The following OR9Q1 variants were observed in gnomAD, a reference collection of about 807,000 sequenced individuals.
OR9Q1 encodes olfactory receptor family 9 subfamily Q member 1.
For missense variants in OR9Q1, 374 were observed against 378.8 expected, an observed-to-expected ratio of 0.99 and a Z score of 0.11; for synonymous variants, 153 against 148.6, an observed-to-expected ratio of 1.03 and a Z score of -0.22.
intron 2 of OR9Q1, among the ~76,000 whole-genome samples, chr11:58,149,691 C>T (rs1312053553): frequency 3.9e-5 from 6 of 152,132 alleles, no homozygotes; most frequent in African/African-American, 2.4e-5. Context: ...CTAAGTACTT[C>T]ATAAAAGTGG....
At chr11:58,132,968 C>T (rs564942926) in intron 2 of OR9Q1, among the ~76,000 whole-genome samples, 95 of 152,208 alleles carry the variant, frequency 6.2e-4, no homozygotes, top group Non-Finnish European at 8.4e-4. Context: ...ATCCAGCTCC[C>T]CTGGATGCCA....
intron 2 of OR9Q1, chr11:58,118,478 C>T (rs1328888594): frequency 6.7e-7 from 1 of 1,494,464 alleles, no homozygotes; most frequent in East Asian, 2.3e-5. Context: ...TGGACTAAAA[C>T]AAGAATTCCT....
At chr11:58,096,777 C>A (rs553973783) in intron 2 of OR9Q1, among the ~76,000 whole-genome samples, 4 of 150,374 alleles carry the variant, frequency 2.7e-5, no homozygotes, top group Non-Finnish European at 5.9e-5. Context: ...AATCTCGGCT[C>A]ACTACAACCT....
chr11:58,123,652 G>A (rs1261522803), intron 2 of OR9Q1, among the ~76,000 whole-genome samples: 1 of 152,140 alleles, frequency 6.6e-6, no homozygotes, highest in African/African-American at 2.4e-5. Flanking sequence ...TATACACCTA[G>A]GAAGGAACAG....
At chr11:58,082,699 A>C (rs1345054097) in intron 2 of OR9Q1, among the ~76,000 whole-genome samples, 2 of 145,214 alleles carry the variant, frequency 1.4e-5, no homozygotes, top group East Asian at 2.2e-4. Flanking sequence ...ATGCATATGT[A>C]ACTAACCTGC....
intron 2 of OR9Q1, among the ~76,000 whole-genome samples, chr11:58,172,354 T>C (rs1460932003): frequency 1.3e-5 from 2 of 152,178 alleles, no homozygotes; most frequent in African/African-American, 4.8e-5. Flanking sequence ...ACGGTTGTTA[T>C]AAACTCTACG....
chr11:58,163,199 C>T (rs1590622814), intron 2 of OR9Q1, among the ~76,000 whole-genome samples: 2 of 152,152 alleles, frequency 1.3e-5, no homozygotes, highest in Admixed American at 1.3e-4. Context: ...ATCATCTCCC[C>T]TGAATTTTAT....
chr11:58,163,951 G>A (rs1242912725), intron 2 of OR9Q1, among the ~76,000 whole-genome samples: 1 of 152,192 alleles, frequency 6.6e-6, no homozygotes, highest in South Asian at 2.1e-4. Flanking sequence ...GGAGATTGAA[G>A]AGAAACCTTC....
At chr11:58,028,711 AGT>A (rs1204972329) in intron 1 of OR9Q1, among the ~76,000 whole-genome samples, 1 of 152,142 alleles carries the variant, frequency 6.6e-6, no homozygotes. Flanking sequence ...AGAAGCATGA[AGT>A]GTCTGGGGCT....
chr11:58,090,162 G>A (rs985265289), intron 2 of OR9Q1, among the ~76,000 whole-genome samples: 4 of 152,068 alleles, frequency 2.6e-5, no homozygotes, highest in African/African-American at 9.7e-5. Context: ...TGATTGCGCT[G>A]GTCAGAACTT....
chr11:58,103,695 A>G (rs144163794), intron 2 of OR9Q1, among the ~76,000 whole-genome samples: 87 of 152,260 alleles, frequency 5.7e-4, no homozygotes, highest in Non-Finnish European at 9.8e-4. Flanking sequence ...CTACATTATC[A>G]GTGCATCTGG....
At chr11:58,141,391 C>T (rs1220928625) in intron 2 of OR9Q1, among the ~76,000 whole-genome samples, 1 of 152,030 alleles carries the variant, frequency 6.6e-6, no homozygotes, top group Non-Finnish European at 1.5e-5. Flanking sequence ...GACATATGTC[C>T]CATCAATACC....
At chr11:58,118,827 C>T (rs1304569138) in intron 2 of OR9Q1, 6 of 1,614,034 alleles carry the variant, frequency 3.7e-6, no homozygotes, top group Admixed American at 1.7e-5. Flanking sequence ...TGGCCAAAAT[C>T]ACAAAATTGC....
At chr11:58,116,780 A>G (rs1853959229) in intron 2 of OR9Q1, 1 of 152,206 alleles carries the variant, frequency 6.6e-6, no homozygotes, top group African/African-American at 2.4e-5. Flanking sequence ...ACTACAAGAT[A>G]TTTGGTGAAT....
At chr11:58,063,714 G>A (rs560852699) in intron 2 of OR9Q1, among the ~76,000 whole-genome samples, 20 of 152,104 alleles carry the variant, frequency 1.3e-4, no homozygotes, top group Non-Finnish European at 2.8e-4. Flanking sequence ...TTTTGGGGGG[G>A]TGAGTTTTAA....
At chr11:58,095,368 T>A (rs1048807311) in intron 2 of OR9Q1, among the ~76,000 whole-genome samples, 1 of 152,244 alleles carries the variant, frequency 6.6e-6, no homozygotes, top group Non-Finnish European at 1.5e-5. Context: ...TAGCCCTCCC[T>A]AGATCCTTGT....
intron 2 of OR9Q1, among the ~76,000 whole-genome samples, chr11:58,073,784 T>C (rs1318826963): frequency 6.6e-6 from 1 of 152,216 alleles, no homozygotes; most frequent in Admixed American, 6.5e-5. Flanking sequence ...GTATTTCTCC[T>C]AATGCTATCC....
intron 2 of OR9Q1, among the ~76,000 whole-genome samples, chr11:58,092,749 AT>A (rs1338394923): frequency 5.9e-5 from 9 of 152,290 alleles, no homozygotes; most frequent in African/African-American, 1.9e-4. Context: ...CAAAATTTGA[AT>A]GTTTTTGTGC....
intron 2 of OR9Q1, among the ~76,000 whole-genome samples, chr11:58,160,552 T>C (rs1390991372): frequency 6.6e-6 from 1 of 152,134 alleles, no homozygotes; most frequent in Non-Finnish European, 1.5e-5. Context: ...CTCAAACTCC[T>C]GGGCTCAAGC....
Sources: allele counts gnomAD v4.1 joint callset (sites outside exome capture counted in the v4.1 genomes callset), GRCh38; gene constraint gnomAD v4.1.1; transcripts MANE v1.5; gene names NCBI Gene and HGNC (gene_info 2026-07-23, HGNC 2026-07-21).